Variants in MAP3K13 observed in about 807,000 individuals in gnomAD.
MAP3K13 encodes mitogen-activated protein kinase kinase kinase 13.
A neutral mutation model predicts 104.0 loss-of-function variants in MAP3K13; 52 were observed. The observed-to-expected ratio is 0.50, with a 90% CI of 0.40 to 0.63. The LOEUF (loss-of-function observed/expected upper bound fraction) is 0.63. Among genes scored for constraint, MAP3K13 ranks in the 20% least tolerant of loss-of-function variants. The probability of loss-of-function intolerance (pLI) is 0.00; values close to 1 mark genes in which losing one functional copy is unlikely to be tolerated. For synonymous variants in MAP3K13, 394 were observed against 442.2 expected, an observed-to-expected ratio of 0.89 and a Z score of 1.37; for missense variants, 914 against 1,218.5, an observed-to-expected ratio of 0.75 and a Z score of 3.72.
intron 2 of MAP3K13, among the ~76,000 whole-genome samples, chr3:185,341,610 T>C (rs1722725793): frequency 6.6e-6 from 1 of 152,226 alleles, no homozygotes; most frequent in South Asian, 2.1e-4. Context: ...TAAATTTTCT[T>C]TTTTATTCCT....
rs538082998 is a variant in MAP3K13 at position 185,455,499 on chromosome 3, TGA to T, written c.1278+4107_1278+4108del. On this transcript the variant is annotated intron_variant, in intron 7 of 13. Coordinates refer to ENST00000265026, the MANE Select transcript of MAP3K13 (RefSeq NM_004721.5). ...ACATGATATATATGAGATATATACA[TGA>T]GATATATATGAGATATATATGATAT... Among the ~76,000 whole-genome samples the T allele has an allele frequency of 6.6e-4, 74 of 112,314 alleles. 5 individuals are homozygous for T. The highest frequency in any genetic ancestry group is 2.3e-3 in the African/African-American group (71 of 30,342). The allele number at this position is 112,314 out of a possible 152,430, so 73.7% of individuals were successfully genotyped here.
chr3:185,350,825 T>G lies in MAP3K13; in HGVS notation c.-86+65182T>G, dbSNP rs540133620. 6.6e-5 allele frequency among the ~76,000 whole-genome samples: 10 copies of G among 152,320 alleles called. No homozygotes were observed. The East Asian group carries it at 1.7e-3, about 26-fold the overall frequency. The stretch of plus-strand genomic sequence containing the variant: ...GCAGTTTGGCAATTTCTCAAAGAAC[T>G]TAAAACAGAACTACCATTCGACATA... On this transcript the variant is annotated intron_variant, in intron 2 of 14. Transcript: ENST00000424227.
At chr3:185,386,764 GCTGGAGGCCATTATCTTT>G (rs1711721888) in intron 1 of MAP3K13, among the ~76,000 whole-genome samples, 1 of 152,314 alleles carries the variant, frequency 6.6e-6, no homozygotes, top group Admixed American at 6.5e-5. Context: ...CATGGATGGA[GCTGGAGGCCATTATCTTT>G]AGCAAACTAA....
At chr3:185,451,915 G>A (rs544261677) in intron 7 of MAP3K13, among the ~76,000 whole-genome samples, 2 of 151,242 alleles carry the variant, frequency 1.3e-5, no homozygotes, top group East Asian at 1.9e-4. Context: ...AAAAACACGT[G>A]TCAGAATATT....
chr3:185,396,101 T>G lies in MAP3K13; in HGVS notation c.-85-32396T>G, dbSNP rs563560073. Reference sequence around the variant, plus strand: ...AATAGGTATATTCGGCCAGGTGCGGTGGCTCACGCCTGTAATCCCAGCACT... The same window carrying G: ...AATAGGTATATTCGGCCAGGTGCGGGGGCTCACGCCTGTAATCCCAGCACT... On this transcript the variant is annotated intron_variant, in intron 1 of 13. Coordinates refer to ENST00000265026, the MANE Select transcript of MAP3K13 (RefSeq NM_004721.5). Among the ~76,000 whole-genome samples the G allele has an allele frequency of 2.6e-5, 4 of 152,116 alleles. No homozygotes were observed. In the East Asian group the frequency reaches 7.8e-4, roughly 30 times the overall value.
Position 185,410,110 on chromosome 3 carries a change from A to G in MAP3K13, c.-85-18387A>G, listed in dbSNP as rs553414522. ...ACCTGATGGGAGGCAGAGCTCAGGC[A>G]GTAATACTCGCTCGCCTGCTGCTCA... On this transcript the variant is annotated intron_variant, in intron 1 of 13. Coordinates refer to ENST00000265026, the MANE Select transcript of MAP3K13 (RefSeq NM_004721.5). 6.2e-3 allele frequency among the ~76,000 whole-genome samples: 944 copies of G among 152,310 alleles called. 7 individuals carry two copies. Among genetic ancestry groups the G allele is most frequent in the African/African-American group, 0.017 (712 of 41,574 alleles).
At chr3:185,310,252 A>T (rs1238754647) in intron 2 of MAP3K13, among the ~76,000 whole-genome samples, 2 of 152,210 alleles carry the variant, frequency 1.3e-5, no homozygotes, top group Non-Finnish European at 2.9e-5. Context: ...GAATTTGTTC[A>T]CCTGGTTGCC....
intron 2 of MAP3K13, among the ~76,000 whole-genome samples, chr3:185,319,885 G>A (rs539821027): frequency 1.3e-5 from 2 of 152,292 alleles, no homozygotes; most frequent in East Asian, 3.9e-4. Flanking sequence ...AGTAGGCAAT[G>A]TTAAAAAGTG....
At chr3:185,298,384 A>G (rs1720990043) in intron 2 of MAP3K13, among the ~76,000 whole-genome samples, 1 of 152,228 alleles carries the variant, frequency 6.6e-6, no homozygotes, top group African/African-American at 2.4e-5. Context: ...GGAAATGAGG[A>G]GAAACATTAA....
At chr3:185,454,325 AGATATATAT>A (rs1349398788) in intron 7 of MAP3K13, among the ~76,000 whole-genome samples, 6 of 85,638 alleles carry the variant, frequency 7.0e-5, no homozygotes, top group African/African-American at 2.3e-4. Context: ...GATATATATG[AGATATATAT>A]GATATATATG....
At chr3:185,471,451 C>CTT (rs71164510) in intron 10 of MAP3K13, among the ~76,000 whole-genome samples, 955 of 75,386 alleles carry the variant, frequency 0.013, 13 homozygotes, top group African/African-American at 0.017. Flanking sequence ...ACGACCTTTA[C>CTT]TTTTTTTTTT....
At chr3:185,419,416 G>T (rs1359524197) in intron 1 of MAP3K13, among the ~76,000 whole-genome samples, 1 of 152,132 alleles carries the variant, frequency 6.6e-6, no homozygotes, top group Non-Finnish European at 1.5e-5. Flanking sequence ...AGTGAAGTGG[G>T]CCCATTAATC....
intron 1 of MAP3K13, among the ~76,000 whole-genome samples, chr3:185,419,720 A>G (rs1714011457): frequency 6.6e-6 from 1 of 152,174 alleles, no homozygotes; most frequent in African/African-American, 2.4e-5. Flanking sequence ...AGGTCAGAAA[A>G]TGTTGAATAT....
intron 1 of MAP3K13, among the ~76,000 whole-genome samples, chr3:185,426,574 C>T (rs907468809): frequency 5.3e-5 from 8 of 152,182 alleles, no homozygotes; most frequent in African/African-American, 1.9e-4. Flanking sequence ...TCAAACTCAG[C>T]CTGGCATGCA....
At chr3:185,330,227 A>G (rs1323317808) in intron 2 of MAP3K13, among the ~76,000 whole-genome samples, 2 of 152,046 alleles carry the variant, frequency 1.3e-5, no homozygotes, top group Admixed American at 6.6e-5. Flanking sequence ...AAATCACTGG[A>G]GGAGTGCTCA....
intron 2 of MAP3K13, among the ~76,000 whole-genome samples, chr3:185,293,424 G>C (rs1720815384): frequency 6.6e-6 from 1 of 151,602 alleles, no homozygotes; most frequent in African/African-American, 2.4e-5. Context: ...TTTTCTTTTT[G>C]AGACAGGGTC....
rs974485209 is a variant in MAP3K13 at position 185,390,700 on chromosome 3, T to C, written c.-86+27332T>C. Among the ~76,000 whole-genome samples, 3 of 149,248 alleles carry C rather than the reference T, an allele frequency of 2.0e-5. No individual in the cohort carries two copies. The East Asian group carries it at 6.0e-4, about 30-fold the overall frequency. ...GTGCAGTGGCACAATCTCAGCTCAC[T>C]GTAACCTCTGCCTCCCAGGTTCAAG... On this transcript the variant is annotated intron_variant, in intron 1 of 13. Transcript: ENST00000265026.
chr3:185,375,581 T>C lies in MAP3K13; in HGVS notation c.-86+12213T>C, dbSNP rs557971365. 4.3e-4 allele frequency among the ~76,000 whole-genome samples: 66 copies of C among 152,110 alleles called. 1 individual carries two copies. The highest frequency in any genetic ancestry group is 2.5e-3 in the South Asian group (12 of 4,806). Reference sequence around the variant, plus strand: ...ACCATTTGCCTTGTGCGGGAAGAGATAGGTGGAAGTTTCAGCGAGGGAGTA... The same window carrying C: ...ACCATTTGCCTTGTGCGGGAAGAGACAGGTGGAAGTTTCAGCGAGGGAGTA... On this transcript the variant is annotated intron_variant, in intron 1 of 13. Coordinates refer to ENST00000265026, the MANE Select transcript of MAP3K13 (RefSeq NM_004721.5).
intron 7 of MAP3K13, among the ~76,000 whole-genome samples, chr3:185,453,213 T>A (rs1220520069): frequency 1.3e-5 from 2 of 152,178 alleles, no homozygotes; most frequent in Non-Finnish European, 2.9e-5. Context: ...AGCTGTATGC[T>A]TATAGAACAT....
Sources: gnomAD v4.1 joint callset for allele counts (sites outside exome capture counted in the v4.1 genomes callset) on GRCh38, gnomAD v4.1.1 for gene constraint, MANE v1.5 for transcripts, NCBI Gene and HGNC (gene_info 2026-07-23, HGNC 2026-07-21) for gene names.